DNAJC18: variants seen among roughly 807,000 people sequenced by gnomAD.
DNAJC18 encodes the protein DnaJ heat shock protein family (Hsp40) member C18.
DNAJC18 carries 40 observed loss-of-function variants against 48.6 expected under a neutral mutation model. The ratio of observed to expected loss-of-function variants is 0.82; its 90% CI spans 0.64 to 1.07. DNAJC18 has a LOEUF of 1.07. Among genes scored for constraint, DNAJC18 ranks in the 50% least tolerant of loss-of-function variants. The pLI, the probability that DNAJC18 is intolerant of heterozygous loss-of-function variation, is 0.00. For synonymous variants in DNAJC18, 135 were observed against 152.2 expected (o/e 0.89, Z 0.83); for missense variants, 340 against 427.7 (o/e 0.79, Z 1.81).
intron 6 of DNAJC18, among the ~76,000 whole-genome samples, chr5:139,422,300 T>A (rs1759167082): frequency 1.3e-5 from 2 of 152,134 alleles, no homozygotes; most frequent in African/African-American, 4.8e-5. Flanking sequence ...AACAAAAAAA[T>A]TGAAAATAAT....
rs961351388 is a variant in DNAJC18, at chr5:139,420,159, G to A, written c.846C>T (p.Asn282=). The A allele has an allele frequency of 1.9e-6, 3 of 1,611,894 alleles. No individual in the cohort carries two copies. The highest frequency in any genetic ancestry group is 2.5e-6 in the Non-Finnish European group (3 of 1,179,426). Residue 282 remains asparagine, a synonymous_variant, in exon 7 of 8, where the codon AAC becomes AAT. Transcript: ENST00000302060. ...NLQVPYFVDK[N]FDKAYRGASL... ...AAGCTCCTCTGTAGGCCTTGTCAAA[G>A]TTTTTATCCACAAAGTAAGGCACCT...
At chr5:139,437,822 G>T (rs964258726) in intron 1 of DNAJC18, among the ~76,000 whole-genome samples, 5 of 152,030 alleles carry the variant, frequency 3.3e-5, no homozygotes, top group Non-Finnish European at 7.4e-5. Flanking sequence ...AAGTAGAGAG[G>T]AGTTCAATTC....
intron 6 of DNAJC18, among the ~76,000 whole-genome samples, chr5:139,421,454 C>A (rs1396183038): frequency 6.6e-6 from 1 of 151,244 alleles, no homozygotes; most frequent in East Asian, 2.0e-4. Context: ...AAGACTGCTT[C>A]GAAAACAAAA....
chr5:139,433,999 C>A (rs964248148), intron 2 of DNAJC18, among the ~76,000 whole-genome samples: 1 of 152,096 alleles, frequency 6.6e-6, no homozygotes, highest in African/African-American at 2.4e-5. Flanking sequence ...TCAAACAATT[C>A]TCCCGCCTCA....
chr5:139,431,343 A>G (rs1319069572), intron 2 of DNAJC18, among the ~76,000 whole-genome samples: 1 of 152,134 alleles, frequency 6.6e-6, no homozygotes, highest in Admixed American at 6.6e-5. Flanking sequence ...AAGAAACTCT[A>G]TACTCCTTAG....
In DNAJC18 at chr5:139,428,663, T is replaced by A; in HGVS notation, c.248A>T (p.Tyr83Phe). 1 of 1,612,058 alleles carries A rather than the reference T, an allele frequency of 6.2e-7. No individual in the cohort carries two copies. The highest frequency in any genetic ancestry group is 8.5e-7 in the Non-Finnish European group (1 of 1,179,540). ...TCGAGAAACTCCCAGAATTTCATAGTAATTTCTGCATTTCTTGATCCTAAA... is the reference window on the plus strand; with the variant it reads ...TCGAGAAACTCCCAGAATTTCATAGAAATTTCTGCATTTCTTGATCCTAAA... ...GVQRIKKCRNYYEILGVSRDA... is the reference protein window; with the variant it reads ...GVQRIKKCRNFYEILGVSRDA... Residue 83 changes from tyrosine to phenylalanine, a missense_variant, in exon 3 of 8, where the codon TAC (tyrosine) becomes TTC (phenylalanine). Tyr to Phe is a conservative substitution (Grantham distance 22). Transcript: ENST00000302060.
chr5:139,420,150 C>T lies in DNAJC18; in HGVS notation c.855G>A (p.Lys285=). ...CATGCAGAGAAGCTCCTCTGTAGGC[C>T]TTGTCAAAGTTTTTATCCACAAAGT... ...VPYFVDKNFD[K]AYRGASLHDL... The change falls in exon 7 of 8, where the codon AAG becomes AAA. Residue 285 remains lysine, a synonymous_variant. Coordinates refer to ENST00000302060, the MANE Select transcript of DNAJC18 (RefSeq NM_152686.4). 7 of 1,611,650 alleles carry T rather than the reference C, an allele frequency of 4.3e-6. No homozygotes were observed. Among genetic ancestry groups the T allele is most frequent in the Non-Finnish European group, 5.9e-6 (7 of 1,179,316 alleles).
At chr5:139,433,302 G>C (rs1016548978) in intron 2 of DNAJC18, among the ~76,000 whole-genome samples, 1 of 152,150 alleles carries the variant, frequency 6.6e-6, no homozygotes, top group Non-Finnish European at 1.5e-5. Context: ...AAATTAGCTG[G>C]GCATGATGGT....
intron 2 of DNAJC18, among the ~76,000 whole-genome samples, chr5:139,432,746 T>A (rs1759350232): frequency 6.6e-6 from 1 of 152,250 alleles, no homozygotes; most frequent in Non-Finnish European, 1.5e-5. Context: ...CCAGGCCTTC[T>A]TGCTGTACAA....
intron 5 of DNAJC18, among the ~76,000 whole-genome samples, chr5:139,424,633 T>C (rs542604049): frequency 1.4e-5 from 2 of 144,794 alleles, no homozygotes; most frequent in Admixed American, 7.4e-5. Flanking sequence ...GGTGGGAGGA[T>C]TGGTTGAGCC....
Position 139,428,685 on chromosome 5 carries a change from T to C in DNAJC18, c.228-2A>G. ...TAGTAATTTCTGCATTTCTTGATCCTAAAAAAAATCACAAGCATGTATGTC... is the reference window on the plus strand; with the variant it reads ...TAGTAATTTCTGCATTTCTTGATCCCAAAAAAAATCACAAGCATGTATGTC... On this transcript the variant is annotated splice_acceptor_variant, in intron 2 of 7. Transcript: ENST00000302060. LOFTEE classifies it high-confidence loss of function. The C allele has an allele frequency of 1.2e-6, 2 of 1,606,768 alleles. No individual in the cohort carries two copies. The highest frequency in any genetic ancestry group is 1.7e-6 in the Non-Finnish European group (2 of 1,177,836).
chr5:139,433,422 C>T (rs1462434148), intron 2 of DNAJC18, among the ~76,000 whole-genome samples: 3 of 144,052 alleles, frequency 2.1e-5, no homozygotes, highest in Non-Finnish European at 3.0e-5. Context: ...CCGGCTTGGG[C>T]GACAAGAGCA....
chr5:139,424,899 T>C, intron 5 of DNAJC18, 106 bp downstream of exon 5: 3 of 987,008 alleles, frequency 3.0e-6, no homozygotes, highest in Non-Finnish European at 4.7e-6. Flanking sequence ...ACATCTTTCC[T>C]AAAGCAACAT....
At chr5:139,436,083 C>CT (rs527265842) in intron 2 of DNAJC18, among the ~76,000 whole-genome samples, 44 of 146,492 alleles carry the variant, frequency 3.0e-4, no homozygotes, top group East Asian at 2.0e-3. Context: ...TTGGGTTTTC[C>CT]TTTTTTTTTT....
chr5:139,428,447 G>C, intron 3 of DNAJC18, 91 bp downstream of exon 3: 1 of 1,504,522 alleles, frequency 6.6e-7, no homozygotes, highest in East Asian at 2.3e-5. Flanking sequence ...CCTCCTTATG[G>C]CCTTATAAAA....
intron 2 of DNAJC18, among the ~76,000 whole-genome samples, chr5:139,435,714 T>TTTTTTTTTTTTTTTTTTTTTTTTTG (rs1750632462): frequency 8.9e-6 from 1 of 112,796 alleles, no homozygotes; most frequent in East Asian, 2.9e-4. Flanking sequence ...AGTTTTTTTT[T>TTTTTTTTTTTTTTTTTTTTTTTTTG]TTTTTTTTTT....
chr5:139,413,225 C>T lies in DNAJC18; in HGVS notation c.*923G>A. ...GCTGCTGGGGCCAAAGCTAGACCCC[C>T]ATATCCAAGGAGAGAGGATCTGTCT... On this transcript the variant is annotated 3_prime_UTR_variant, in exon 8 of 8. Coordinates refer to ENST00000302060, the MANE Select transcript of DNAJC18 (RefSeq NM_152686.4). The T allele has an allele frequency of 4.8e-6, 1 of 206,770 alleles. No homozygotes were observed. The highest frequency in any genetic ancestry group is 1.1e-4 in the East Asian group (1 of 9,058). The allele number at this position is 206,770 out of a possible 1,614,324, so 12.8% of individuals were successfully genotyped here.
In DNAJC18 at chr5:139,413,652, A is replaced by T. The variant is rs994957254; in HGVS notation, c.*496T>A. 1 of 153,060 alleles carries T rather than the reference A, an allele frequency of 6.5e-6. No homozygotes were observed. Among genetic ancestry groups the T allele is most frequent in the African/African-American group, 2.4e-5 (1 of 41,490 alleles). The allele number at this position is 153,060 out of a possible 1,614,324, so 9.5% of individuals were successfully genotyped here. On this transcript the variant is annotated 3_prime_UTR_variant, in exon 8 of 8. Coordinates refer to ENST00000302060, the MANE Select transcript of DNAJC18 (RefSeq NM_152686.4). ...TTTAAATTTCTCCATATTCCCCTAG[A>T]AAATGGAAAGCTGGGCAGGAACATG...
chr5:139,419,578 A>T (rs921122711), intron 7 of DNAJC18, among the ~76,000 whole-genome samples: 5 of 152,232 alleles, frequency 3.3e-5, no homozygotes, highest in Non-Finnish European at 4.4e-5. Context: ...GAATTGGGAA[A>T]CTGTGGACCA....
Sources: gnomAD v4.1 joint callset for allele counts (sites outside exome capture counted in the v4.1 genomes callset) on GRCh38, gnomAD v4.1.1 for gene constraint, MANE v1.5 for transcripts, NCBI Gene and HGNC (gene_info 2026-07-23, HGNC 2026-07-21) for gene names.